The following LEPR variants were observed in gnomAD, a reference collection of about 807,000 sequenced individuals.
LEPR encodes the protein OB receptor.
A neutral mutation model predicts 114.7 loss-of-function variants in LEPR; 56 were observed. That is an observed-to-expected ratio of 0.49 (90% CI 0.39 to 0.61). LEPR has a LOEUF of 0.61. Among genes scored for constraint, LEPR ranks in the 20% least tolerant of loss-of-function variants. The probability of loss-of-function intolerance (pLI) is 0.00; values close to 1 mark genes in which losing one functional copy is unlikely to be tolerated. For missense variants in LEPR, 1,202 were observed against 1,352.9 expected, an observed-to-expected ratio of 0.89 and a Z score of 1.75; for synonymous variants, 443 against 461.4, an observed-to-expected ratio of 0.96 and a Z score of 0.51.
In LEPR at chr1:65,508,238, C is replaced by T. The variant is rs576153791; in HGVS notation, c.-20-57308C>T. Among the ~76,000 whole-genome samples the T allele has an allele frequency of 1.6e-4, 24 of 152,204 alleles. 1 individual carries two copies. In the East Asian group the frequency reaches 4.6e-3, roughly 29 times the overall value. On this transcript the variant is annotated intron_variant, in intron 2 of 19. Coordinates refer to ENST00000349533, the MANE Select transcript of LEPR (RefSeq NM_002303.6). ...TTGCTTTTATTGCCTGTGGTTTTGG[C>T]ATTATAGCCAAGAAATCATTCCCCA... is the stretch of plus-strand genomic sequence containing the variant.
At chr1:65,420,808 G>T in intron 1 of LEPR, 68 bp downstream of exon 1, 1 of 1,535,690 alleles carries the variant, frequency 6.5e-7, no homozygotes, top group Non-Finnish European at 8.8e-7. Context: ...TCAAGCCTGG[G>T]GCTGCGCCTT....
At chr1:65,480,970 C>T (rs1378357559) in intron 2 of LEPR, among the ~76,000 whole-genome samples, 1 of 152,052 alleles carries the variant, frequency 6.6e-6, no homozygotes, top group Admixed American at 6.6e-5. Flanking sequence ...AACAAAATAC[C>T]ATAGACTGAG....
chr1:65,553,646 G>C lies in LEPR; in HGVS notation c.-20-11900G>C, dbSNP rs534459541. ...TTTTTTCAACATTCTTAGCTTCCTT[G>C]CATTGGGTTAGAACATGCTTCTTTA... On this transcript the variant is annotated intron_variant, in intron 2 of 19. Coordinates refer to ENST00000349533, the MANE Select transcript of LEPR (RefSeq NM_002303.6). Among the ~76,000 whole-genome samples, 4 of 151,962 alleles carry C rather than the reference G, an allele frequency of 2.6e-5. 1 individual carries two copies. The South Asian group carries it at 6.2e-4, about 24-fold the overall frequency.
rs10157915 is a variant in LEPR, at chr1:65,565,845, T to A, written c.40+240T>A. Among the ~76,000 whole-genome samples the A allele has an allele frequency of 0.97, 144,006 of 148,734 alleles. 69,746 individuals are homozygous for A. The highest frequency in any genetic ancestry group is 0.99 in the East Asian group (5,039 of 5,074). On this transcript the variant is annotated intron_variant, in intron 3 of 19. Coordinates refer to ENST00000349533, the MANE Select transcript of LEPR (RefSeq NM_002303.6). ...ATCCTTCCAGAATCCTCTCTCTCTC[T>A]CACACACACACACACACAGACTCAC...
chr1:65,582,638 A>G (rs748473613), intron 5 of LEPR, among the ~76,000 whole-genome samples: 3 of 152,180 alleles, frequency 2.0e-5, no homozygotes, highest in Non-Finnish European at 2.9e-5. Context: ...GGCTGCCTGT[A>G]TCAGTGCCCA....
intron 19 of LEPR, among the ~76,000 whole-genome samples, chr1:65,629,665 C>T (rs1438323978): frequency 6.6e-6 from 1 of 151,298 alleles, no homozygotes; most frequent in African/African-American, 2.4e-5. Flanking sequence ...ATTCATCCCT[C>T]TCTCCCTCCC....
Position 65,617,985 on chromosome 1 carries a change from G to GTT in LEPR, c.2235_2236insTT (p.Ala746LeufsTer5). 6.2e-7 allele frequency: 1 copy of GTT among 1,612,434 alleles called. No individual in the cohort carries two copies. Among genetic ancestry groups the GTT allele is most frequent in the Non-Finnish European group, 8.5e-7 (1 of 1,179,404 alleles). The stretch of plus-strand genomic sequence containing the variant: ...TCAGTAAATATCGTGCAGTCACTCA[G>GTT]TGCTTATCCTTTAAACAGCAGTTGT... On this transcript the variant is annotated frameshift_variant, in exon 16 of 20. Transcript: ENST00000349533. LOFTEE classifies it high-confidence loss of function.
intron 2 of LEPR, among the ~76,000 whole-genome samples, chr1:65,504,451 T>C (rs942118307): frequency 9.2e-5 from 14 of 152,218 alleles, no homozygotes; most frequent in African/African-American, 2.9e-4. Context: ...GTATGTACTC[T>C]TGTATGATGC....
intron 2 of LEPR, among the ~76,000 whole-genome samples, chr1:65,474,736 G>A (rs993956075): frequency 2.6e-5 from 4 of 152,106 alleles, no homozygotes; most frequent in African/African-American, 4.8e-5. Flanking sequence ...GGCCAGGTGC[G>A]GTGGCTCATG....
At chr1:65,605,775 T>G (rs1443649439) in intron 11 of LEPR, among the ~76,000 whole-genome samples, 1 of 152,200 alleles carries the variant, frequency 6.6e-6, no homozygotes, top group Non-Finnish European at 1.5e-5. Flanking sequence ...TCAAAGATAT[T>G]AAGAGAGCCC....
chr1:65,455,287 G>A (rs1016062948), intron 2 of LEPR, among the ~76,000 whole-genome samples: 4 of 152,086 alleles, frequency 2.6e-5, no homozygotes, highest in Non-Finnish European at 4.4e-5. Flanking sequence ...TCAGCTCGTC[G>A]AAGTCATTCT....
At chr1:65,594,835 T>A (rs938288469) in intron 6 of LEPR, among the ~76,000 whole-genome samples, 1 of 151,882 alleles carries the variant, frequency 6.6e-6, no homozygotes, top group Non-Finnish European at 1.5e-5. Flanking sequence ...AGAAGCCAAG[T>A]GAAAAAAATA....
At chr1:65,597,711 T>C (rs557114457) in intron 7 of LEPR, among the ~76,000 whole-genome samples, 59 of 152,162 alleles carry the variant, frequency 3.9e-4, no homozygotes, top group Non-Finnish European at 7.6e-4. Flanking sequence ...GGCACTTTAC[T>C]TTGTGAAACT....
intron 2 of LEPR, among the ~76,000 whole-genome samples, chr1:65,528,152 A>G (rs1650104573): frequency 9.5e-6 from 1 of 105,534 alleles, no homozygotes; most frequent in Admixed American, 1.1e-4. Flanking sequence ...TAAATACTAA[A>G]AGTATCCAGA....
chr1:65,449,691 T>C (rs1207957052), intron 2 of LEPR, among the ~76,000 whole-genome samples: 1 of 152,050 alleles, frequency 6.6e-6, no homozygotes, highest in East Asian at 1.9e-4. Context: ...TATCTTTTTT[T>C]TTTTTTTAAA....
intron 2 of LEPR, among the ~76,000 whole-genome samples, chr1:65,452,961 G>C (rs1455761721): frequency 6.6e-6 from 1 of 152,180 alleles, no homozygotes; most frequent in East Asian, 1.9e-4. Context: ...TTCAGATCCT[G>C]TTATTGGTGT....
At chr1:65,506,065 C>T (rs189276300) in intron 2 of LEPR, among the ~76,000 whole-genome samples, 27 of 152,298 alleles carry the variant, frequency 1.8e-4, no homozygotes, top group African/African-American at 5.1e-4. Flanking sequence ...TGGTTCCCCA[C>T]ATATTTTTGA....
intron 5 of LEPR, among the ~76,000 whole-genome samples, chr1:65,575,209 G>C (rs1654498325): frequency 1.3e-5 from 2 of 152,122 alleles, no homozygotes; most frequent in African/African-American, 4.8e-5. Flanking sequence ...TCCCCCACAG[G>C]TAGAATTTAA....
At chr1:65,528,776 T>G (rs1166709697) in intron 2 of LEPR, among the ~76,000 whole-genome samples, 1 of 152,156 alleles carries the variant, frequency 6.6e-6, no homozygotes, top group South Asian at 2.1e-4. Context: ...ATCACAAATC[T>G]AATTTACCTT....
Sources: allele counts gnomAD v4.1 joint callset (sites outside exome capture counted in the v4.1 genomes callset), GRCh38; gene constraint gnomAD v4.1.1; transcripts MANE v1.5; gene names NCBI Gene and HGNC (gene_info 2026-07-23, HGNC 2026-07-21).